ROBO2: variants seen among roughly 807,000 people sequenced by gnomAD.
ROBO2 encodes roundabout homolog 2.
A neutral mutation model predicts 160.8 loss-of-function variants in ROBO2; 53 were observed. The ratio of observed to expected loss-of-function variants is 0.33; its 90% confidence interval spans 0.26 to 0.41. The LOEUF is 0.41. Ranked by LOEUF, ROBO2 falls within the 10% of genes least tolerant of loss-of-function variation. ROBO2 has a pLI of 1.00. For synonymous variants in ROBO2, 664 were observed against 611.7 expected (o/e 1.09, Z -1.26); for missense variants, 1,577 against 1,722.4 (o/e 0.92, Z 1.49).
chr3:77,241,899 G>A (rs12633766), intron 2 of ROBO2, among the ~76,000 whole-genome samples: 45,947 of 151,962 alleles, frequency 0.3, 8,523 homozygotes, highest in East Asian at 0.78. Flanking sequence ...ATCAAAAGTC[G>A]GAAGCTTTGA....
At chr3:75,965,341 T>G (rs1310413295) in intron 2 of ROBO2, among the ~76,000 whole-genome samples, 1 of 151,896 alleles carries the variant, frequency 6.6e-6, no homozygotes, top group Non-Finnish European at 1.5e-5. Flanking sequence ...TCCCCGCACT[T>G]TAGTGACTGA....
At chr3:77,205,444 T>A (rs1410765973) in intron 2 of ROBO2, among the ~76,000 whole-genome samples, 1 of 151,910 alleles carries the variant, frequency 6.6e-6, no homozygotes, top group Non-Finnish European at 1.5e-5. Flanking sequence ...CATCTGCTTG[T>A]CTCTCCATCT....
intron 2 of ROBO2, among the ~76,000 whole-genome samples, chr3:76,902,102 T>A (rs1022964660): frequency 6.6e-6 from 1 of 152,078 alleles, no homozygotes; most frequent in African/African-American, 2.4e-5. Context: ...ACATTTATCT[T>A]AATCTAGATT....
intron 2 of ROBO2, among the ~76,000 whole-genome samples, chr3:77,250,960 T>G (rs2090274283): frequency 6.6e-6 from 1 of 152,078 alleles, no homozygotes; most frequent in Admixed American, 6.5e-5. Flanking sequence ...AACATAAACT[T>G]TGGGGGTCAT....
chr3:75,986,284 A>G (rs548910197), intron 2 of ROBO2, among the ~76,000 whole-genome samples: 12 of 151,566 alleles, frequency 7.9e-5, no homozygotes, highest in Admixed American at 5.9e-4. Context: ...GCATTTCTCT[A>G]ATGATTCATT....
intron 2 of ROBO2, among the ~76,000 whole-genome samples, chr3:76,678,539 T>A (rs68043124): frequency 0.52 from 79,530 of 152,044 alleles, 21,345 homozygotes; most frequent in East Asian, 0.77. Context: ...CTCTTAATGA[T>A]CACAGAGATA....
intron 1 of ROBO2, among the ~76,000 whole-genome samples, chr3:77,093,871 T>C (rs1421499092): frequency 6.6e-6 from 1 of 152,174 alleles, no homozygotes; most frequent in Non-Finnish European, 1.5e-5. Flanking sequence ...CCTAAGATTA[T>C]AAATGAAGAA....
chr3:76,175,202 CAT>C (rs1251340927), intron 2 of ROBO2, among the ~76,000 whole-genome samples: 1 of 151,882 alleles, frequency 6.6e-6, no homozygotes, highest in Non-Finnish European at 1.5e-5. Context: ...GATTTTTGGA[CAT>C]TGATTTTGCA....
chr3:76,654,468 C>T (rs1290662351), intron 2 of ROBO2, among the ~76,000 whole-genome samples: 2 of 152,056 alleles, frequency 1.3e-5, no homozygotes, highest in Admixed American at 6.6e-5. Context: ...TCAGTGCATC[C>T]ATAGTCCAAA....
chr3:76,462,291 G>C (rs571049443), intron 2 of ROBO2, among the ~76,000 whole-genome samples: 11 of 152,236 alleles, frequency 7.2e-5, no homozygotes, highest in Admixed American at 1.3e-4. Context: ...TACTCACCGA[G>C]CTCTTTCCCC....
intron 2 of ROBO2, among the ~76,000 whole-genome samples, chr3:76,401,462 A>T (rs1234187821): frequency 6.6e-6 from 1 of 151,580 alleles, no homozygotes; most frequent in African/African-American, 2.4e-5. Context: ...ATGAATAATC[A>T]ATTGTAACAT....
At chr3:77,297,285 T>A (rs919322364) in intron 2 of ROBO2, among the ~76,000 whole-genome samples, 1 of 152,070 alleles carries the variant, frequency 6.6e-6, no homozygotes, top group Non-Finnish European at 1.5e-5. Flanking sequence ...AAGCATAATT[T>A]TTGAGGTTCC....
In ROBO2 at chr3:77,229,576, G is replaced by T. The variant is rs77262874; in HGVS notation, c.388+131236G>T. 0.026 allele frequency among the ~76,000 whole-genome samples: 3,942 copies of T among 151,750 alleles called. 292 individuals are homozygous for T. The East Asian group carries it at 0.29, about 11-fold the overall frequency. ...CTTGGGAGGCTGAGGCAGGAGGATC[G>T]CTTGAACCCAGGAGGTAGAGGTTGC... On this transcript the variant is annotated intron_variant, in intron 2 of 25. Transcript: ENST00000461745.
chr3:77,374,252 A>T (rs1022784861), intron 2 of ROBO2, among the ~76,000 whole-genome samples: 3 of 148,568 alleles, frequency 2.0e-5, no homozygotes, highest in Middle Eastern at 3.5e-3. Context: ...AGTCTTTAAA[A>T]TTATTAGGCC....
intron 23 of ROBO2, chr3:77,631,190 C>T (rs1396620597): frequency 6.6e-6 from 1 of 151,962 alleles, no homozygotes; most frequent in African/African-American, 2.4e-5. Context: ...AAAACTCTAT[C>T]TTTCTTTGCT....
At chr3:76,493,364 T>TATATATAA (rs1491215318) in intron 2 of ROBO2, among the ~76,000 whole-genome samples, 32 of 136,768 alleles carry the variant, frequency 2.3e-4, no homozygotes, top group African/African-American at 8.3e-4. Context: ...TATATATATA[T>TATATATAA]AATTGTATAT....
At chr3:77,179,135 T>A (rs79081107) in intron 2 of ROBO2, among the ~76,000 whole-genome samples, 14,980 of 150,976 alleles carry the variant, frequency 0.099, 1,016 homozygotes, top group African/African-American at 0.19. Context: ...TTTTTAAAAA[T>A]CTGTCTTTTC....
intron 2 of ROBO2, among the ~76,000 whole-genome samples, chr3:76,948,908 ATTT>A (rs1157110855): frequency 4.9e-3 from 123 of 24,852 alleles, no homozygotes; most frequent in Admixed American, 6.3e-3. Context: ...ATATATATAT[ATTT>A]TTTTTTTTTT....
rs773202622 is a variant in ROBO2 at position 77,563,270 on chromosome 3, C to T, written c.1623C>T (p.Ser541=). The change falls in exon 11 of 26, where the codon TCC becomes TCT. Residue 541 remains serine, a synonymous_variant. Transcript: ENST00000461745. ...TTACTAAGAACAGTGTCACCTTGTC[C>T]TGGCAGCCAGGTACCCCTGGAACCC... 6.2e-7 allele frequency: 1 copy of T among 1,613,712 alleles called. No individual in the cohort carries two copies.
Sources: gnomAD v4.1 joint callset for allele counts (sites outside exome capture counted in the v4.1 genomes callset) on GRCh38, gnomAD v4.1.1 for gene constraint, MANE v1.5 for transcripts, NCBI Gene and HGNC (gene_info 2026-07-23, HGNC 2026-07-21) for gene names.